The following CELF2 variants were observed in gnomAD, a reference collection of about 807,000 sequenced individuals.
The protein encoded by CELF2 is CUGBP Elav-like family member 2.
Under a neutral mutation model 62.6 loss-of-function variants are expected in CELF2, and 8 were observed. The observed-to-expected ratio is 0.13, with a 90% CI of 0.07 to 0.23. CELF2 has a LOEUF of 0.23. Ranked by LOEUF, CELF2 falls within the 10% of genes least tolerant of loss-of-function variation. The pLI, the probability that CELF2 is intolerant of heterozygous loss-of-function variation, is 1.00. For synonymous variants in CELF2, 258 were observed against 250.0 expected, an observed-to-expected ratio of 1.03 and a Z score of -0.30; for missense variants, 333 against 671.0, an observed-to-expected ratio of 0.50 and a Z score of 5.56.
rs990138957 is a variant in CELF2, at chr10:11,260,863, G to A, written c.538+2991G>A. Among the ~76,000 whole-genome samples, 5 of 152,162 alleles carry A rather than the reference G, an allele frequency of 3.3e-5. No homozygotes were observed. The highest frequency in any genetic ancestry group is 1.2e-4 in the African/African-American group (5 of 41,442). ...TCCTGAATCAGTGTATTTGTTAAAA[G>A]CACAATTCTCTTTCATGCTACCATT... On this transcript the variant is annotated intron_variant, in intron 5 of 12. Transcript: ENST00000633077. The surrounding 1 kb of genome is among the most constrained non-coding windows in gnomAD (Gnocchi z 4.2).
chr10:10,902,482 G>C (rs1188746923), intron 1 of CELF2, among the ~76,000 whole-genome samples: 1 of 152,150 alleles, frequency 6.6e-6, no homozygotes, highest in East Asian at 1.9e-4. Context: ...CTGAGTAAAA[G>C]ACGCCAGGCC....
the CELF2 span, among the ~76,000 whole-genome samples, chr10:10,609,662 A>G: frequency 1.3e-5 from 2 of 152,220 alleles, no homozygotes; most frequent in African/African-American, 4.8e-5. Context: ...CTTACAGAGG[A>G]ACAGATAATT....
At chr10:11,257,937 G>A (rs1427867219) in intron 5 of CELF2, 65 bp downstream of exon 5, 1 of 1,586,758 alleles carries the variant, frequency 6.3e-7, no homozygotes, top group Non-Finnish European at 8.6e-7. Flanking sequence ...TCACAGTCGA[G>A]ACAGATGTAG....
chr10:10,847,607 C>T (rs1418528739), intron 1 of CELF2, among the ~76,000 whole-genome samples: 1 of 152,192 alleles, frequency 6.6e-6, no homozygotes, highest in Non-Finnish European at 1.5e-5. Context: ...AGCGTCATTG[C>T]AGAATGACTT....
At position 11,271,060 on chromosome 10, in the gene CELF2, C is replaced by T. The variant is rs182197016; in HGVS notation, c.777+236C>T. ...AGTCCCACAGGTTAAACTTCTAACT[C>T]GTCTTTGAAAGGCACCCCAAGGCCC... On this transcript the variant is annotated intron_variant, in intron 7 of 12. Coordinates refer to ENST00000633077, the MANE Select transcript of CELF2 (RefSeq NM_001326342.2). Among the ~76,000 whole-genome samples the T allele has an allele frequency of 1.8e-3, 273 of 152,334 alleles. 1 individual carries two copies. The highest frequency in any genetic ancestry group is 6.3e-3 in the African/African-American group (260 of 41,580).
intron 1 of CELF2, among the ~76,000 whole-genome samples, chr10:11,047,441 T>G (rs1410877407): frequency 6.6e-6 from 1 of 152,198 alleles, no homozygotes; most frequent in Non-Finnish European, 1.5e-5. Context: ...TCAGGATCTT[T>G]AATATGGCTG....
the CELF2 span, among the ~76,000 whole-genome samples, chr10:10,564,820 G>A: frequency 2.6e-5 from 4 of 151,746 alleles, no homozygotes; most frequent in Admixed American, 2.6e-4. Flanking sequence ...GCAAATGGAA[G>A]GCACACTCAA....
chr10:10,577,307 T>A, the CELF2 span, among the ~76,000 whole-genome samples: 1 of 152,048 alleles, frequency 6.6e-6, no homozygotes, highest in Non-Finnish European at 1.5e-5. Flanking sequence ...CTGACAGGAC[T>A]GAAAATCTGT....
chr10:10,861,007 A>G (rs536729548), intron 1 of CELF2, among the ~76,000 whole-genome samples: 12 of 152,148 alleles, frequency 7.9e-5, no homozygotes, highest in Admixed American at 3.3e-4. Flanking sequence ...TACAGCCTTG[A>G]ACTCCTAGGC....
chr10:11,074,939 A>G (rs2071397347), intron 1 of CELF2: 1 of 152,232 alleles, frequency 6.6e-6, no homozygotes, highest in African/African-American at 2.4e-5. Flanking sequence ...TTCACTTTCA[A>G]CCACTTACTG....
the CELF2 span, among the ~76,000 whole-genome samples, chr10:10,781,921 T>G: frequency 6.6e-6 from 1 of 152,208 alleles, no homozygotes; most frequent in South Asian, 2.1e-4. Flanking sequence ...AAATAAAAGG[T>G]AATAATATGG....
At position 11,288,526 on chromosome 10, in the gene CELF2, G is replaced by A; in HGVS notation, c.950G>A (p.Ser317Asn). ...GCAAACCCTCTCTCTACCACGAGCA[G>A]CGCCCTGGGAGCCCTCACGAGTCCC... Reference protein sequence around the residue: ...TNANPLSTTSSALGALTSPVA... With the variant: ...TNANPLSTTSNALGALTSPVA... Residue 317 changes from serine to asparagine, a missense_variant, in exon 9 of 13, where the codon AGC becomes AAC. Transcript: ENST00000633077. 2.5e-6 allele frequency: 4 copies of A among 1,613,946 alleles called. No individual in the cohort carries two copies. Among genetic ancestry groups the A allele is most frequent in the Non-Finnish European group, 3.4e-6 (4 of 1,180,028 alleles).
intron 1 of CELF2, among the ~76,000 whole-genome samples, chr10:11,149,989 A>G (rs2063026061): frequency 6.6e-6 from 1 of 152,228 alleles, no homozygotes; most frequent in African/African-American, 2.4e-5. Context: ...GTGGTTTCCA[A>G]AATTGATACC....
chr10:11,054,507 G>GTGTGTGTGTGTGTA lies in CELF2; in HGVS notation c.74+36357_74+36358insATGTGTGTGTGTGT, dbSNP rs1554804128. ...TGTGTGTTTGTGTGTGTGTGTGTGT[G>GTGTGTGTGTGTGTA]TGTGTGTGTGTGTGTTAATAGGACC... On this transcript the variant is annotated intron_variant, in intron 1 of 12. Transcript: ENST00000633077. 4.3e-3 allele frequency among the ~76,000 whole-genome samples: 656 copies of GTGTGTGTGTGTGTA among 151,264 alleles called. 5 individuals are homozygous for GTGTGTGTGTGTGTA. Among genetic ancestry groups the GTGTGTGTGTGTGTA allele is most frequent in the African/African-American group, 0.015 (626 of 41,016 alleles).
intron 2 of CELF2, among the ~76,000 whole-genome samples, chr10:11,186,343 A>G (rs1050227267): frequency 1.5e-4 from 7 of 45,346 alleles, no homozygotes; most frequent in Non-Finnish European, 2.9e-4. Flanking sequence ...TTTAATTGTT[A>G]TTGCTTCCAT....
the CELF2 span, among the ~76,000 whole-genome samples, chr10:10,732,660 A>C: frequency 6.6e-6 from 1 of 151,522 alleles, no homozygotes; most frequent in African/African-American, 2.4e-5. Flanking sequence ...AGTAGCTGGG[A>C]TTACAGGCAC....
the CELF2 span, among the ~76,000 whole-genome samples, chr10:10,528,786 G>A: frequency 1.3e-5 from 2 of 152,140 alleles, no homozygotes; most frequent in African/African-American, 4.8e-5. Flanking sequence ...TTATGGAAGG[G>A]ACTTAAAGAA....
rs1007458344 is a variant in CELF2 at position 11,145,012 on chromosome 10, C to G, written c.75-20474C>G. Among the ~76,000 whole-genome samples, 2 of 151,526 alleles carry G rather than the reference C, an allele frequency of 1.3e-5. No individual in the cohort carries two copies. The highest frequency in any genetic ancestry group is 1.3e-4 in the Admixed American group (2 of 15,218). On this transcript the variant is annotated intron_variant, in intron 1 of 12. Transcript: ENST00000633077. The surrounding 1 kb of genome is among the most constrained non-coding windows in gnomAD (Gnocchi z 4.3). ...TTCTTGTTTATTTCTGTGTCGAAGG[C>G]AAGGCAGCTTAATAGAATTTGAATA...
Position 11,183,510 on chromosome 10 carries a change from A to G in CELF2, c.271+17828A>G, listed in dbSNP as rs149789250. On this transcript the variant is annotated intron_variant, in intron 2 of 12. Coordinates refer to ENST00000633077, the MANE Select transcript of CELF2 (RefSeq NM_001326342.2). ...ATAGTAGGTTTATATCGAACTTCTT[A>G]AGAAACCGCCTGTTTGCTAAAGGGA... is the stretch of plus-strand genomic sequence containing the variant. Among the ~76,000 whole-genome samples the G allele has an allele frequency of 4.9e-3, 754 of 152,346 alleles. 7 individuals carry two copies. Among genetic ancestry groups the G allele is most frequent in the Middle Eastern group, 0.014 (4 of 294 alleles).
Sources: allele counts gnomAD v4.1 joint callset (sites outside exome capture counted in the v4.1 genomes callset), GRCh38; gene constraint gnomAD v4.1.1; non-coding constraint Gnocchi (gnomAD v3.1); transcripts MANE v1.5; gene names NCBI Gene and HGNC (gene_info 2026-07-23, HGNC 2026-07-21).